PKNOX1: variants seen among roughly 807,000 people sequenced by gnomAD.
The protein encoded by PKNOX1 is homeobox protein PKNOX1.
PKNOX1 carries 15 observed loss-of-function variants against 51.9 expected under a neutral mutation model. The ratio of observed to expected loss-of-function variants is 0.29; its 90% confidence interval spans 0.19 to 0.45. The LOEUF is 0.45. Among genes scored for constraint, PKNOX1 ranks in the 20% least tolerant of loss-of-function variants. The pLI is 1.00. For synonymous variants in PKNOX1, 219 were observed against 211.1 expected (o/e 1.04, Z -0.32); for missense variants, 462 against 547.5 (o/e 0.84, Z 1.56).
chr21:43,010,790 G>A (rs956231066), intron 4 of PKNOX1, among the ~76,000 whole-genome samples: 1 of 152,040 alleles, frequency 6.6e-6, no homozygotes, highest in Admixed American at 6.6e-5. Context: ...CTTGAACGCA[G>A]GAGGCGGAAG....
At chr21:43,012,206 G>A (rs1236411331) in intron 4 of PKNOX1, among the ~76,000 whole-genome samples, 1 of 152,176 alleles carries the variant, frequency 6.6e-6, no homozygotes, top group Non-Finnish European at 1.5e-5. Context: ...TGCATTATTG[G>A]TATTAGTTAT....
chr21:42,982,172 T>C (rs1333428222), intron 1 of PKNOX1, among the ~76,000 whole-genome samples: 2 of 152,138 alleles, frequency 1.3e-5, no homozygotes, highest in African/African-American at 4.8e-5. Context: ...CCTTGGGTGT[T>C]GCAGGGCTAC....
intron 7 of PKNOX1, among the ~76,000 whole-genome samples, chr21:43,018,802 A>G (rs1979626635): frequency 6.6e-6 from 1 of 152,048 alleles, no homozygotes; most frequent in African/African-American, 2.4e-5. Flanking sequence ...CTTTAAGAAC[A>G]TTGATTCTGG....
At chr21:43,019,371 A>G (rs1167915338) in intron 7 of PKNOX1, among the ~76,000 whole-genome samples, 1 of 150,504 alleles carries the variant, frequency 6.6e-6, no homozygotes, top group East Asian at 2.0e-4. Flanking sequence ...AGCCTGGGCA[A>G]CAAGAGCAAA....
chr21:43,009,565 C>G (rs190140619), intron 3 of PKNOX1, among the ~76,000 whole-genome samples: 1 of 138,188 alleles, frequency 7.2e-6, no homozygotes, highest in East Asian at 2.2e-4. Flanking sequence ...GACCCGAGAT[C>G]GTGCCGCTGC....
chr21:43,010,890 A>G (rs1299395125), intron 4 of PKNOX1, among the ~76,000 whole-genome samples: 1 of 151,854 alleles, frequency 6.6e-6, no homozygotes, highest in Non-Finnish European at 1.5e-5. Context: ...ATAAAATAAA[A>G]TAAAATAATT....
chr21:42,998,724 T>G (rs1339483321), intron 1 of PKNOX1, among the ~76,000 whole-genome samples: 2 of 152,238 alleles, frequency 1.3e-5, no homozygotes, highest in Non-Finnish European at 2.9e-5. Context: ...AATGATTTCC[T>G]TTGACTGCAT....
At chr21:42,991,153 A>G (rs573793569) in intron 1 of PKNOX1, among the ~76,000 whole-genome samples, 2 of 152,228 alleles carry the variant, frequency 1.3e-5, no homozygotes, top group African/African-American at 4.8e-5. Context: ...TATAGTTTTA[A>G]AATAAAATGA....
Position 43,032,598 on chromosome 21 carries a change from T to C in PKNOX1, c.*2497T>C, listed in dbSNP as rs374503004. 3.6e-5 allele frequency: 6 copies of C among 166,654 alleles called. No individual in the cohort carries two copies. The highest frequency in any genetic ancestry group is 1.4e-4 in the African/African-American group (6 of 42,222). 10.3% of individuals were successfully genotyped at this position (166,654 alleles called of 1,614,324 possible). A position where few individuals can be genotyped will look rare whatever the true frequency, so the allele number is the denominator to read the frequency against. ...ACCTGTGAATAGCCACTGCACTCCA[T>C]CTTGGGCAACACAGTGAGACCCCCA... On this transcript the variant is annotated 3_prime_UTR_variant, in exon 11 of 11. Coordinates refer to ENST00000291547, the MANE Select transcript of PKNOX1 (RefSeq NM_004571.5).
intron 5 of PKNOX1, 58 bp downstream of exon 5, chr21:43,013,296 G>C: frequency 8.0e-7 from 1 of 1,249,500 alleles, no homozygotes. Context: ...TCTGCATTGA[G>C]TCATGAGACC....
chr21:43,024,027 C>T (rs1286919221), intron 8 of PKNOX1, among the ~76,000 whole-genome samples: 1 of 152,022 alleles, frequency 6.6e-6, no homozygotes, highest in East Asian at 1.9e-4. Context: ...AGGCACCGCG[C>T]CTGGCCCTCT....
intron 1 of PKNOX1, among the ~76,000 whole-genome samples, chr21:42,975,966 G>T (rs1435602952): frequency 6.6e-6 from 1 of 152,236 alleles, no homozygotes; most frequent in Non-Finnish European, 1.5e-5. Context: ...ACCTCTGCCA[G>T]TATAGTTATT....
At chr21:42,992,281 C>T (rs917429163) in intron 1 of PKNOX1, among the ~76,000 whole-genome samples, 7 of 152,190 alleles carry the variant, frequency 4.6e-5, no homozygotes, top group African/African-American at 1.2e-4. Context: ...ATTATTTTAT[C>T]GTCAGAGGTC....
chr21:42,983,163 T>A (rs1017318582), intron 1 of PKNOX1, among the ~76,000 whole-genome samples: 1 of 152,196 alleles, frequency 6.6e-6, no homozygotes, highest in Admixed American at 6.6e-5. Context: ...ATTTACCATC[T>A]TAACCATTTT....
At chr21:43,016,691 G>A (rs1196735803) in intron 5 of PKNOX1, among the ~76,000 whole-genome samples, 1 of 152,200 alleles carries the variant, frequency 6.6e-6, no homozygotes, top group African/African-American at 2.4e-5. Flanking sequence ...GCAGGCTGAC[G>A]TTGCAGGCTG....
At position 43,016,897 on chromosome 21, in the gene PKNOX1, C is replaced by A; in HGVS notation, c.523-11C>A. On this transcript the variant is annotated splice_polypyrimidine_tract_variant and intron_variant, in intron 5 of 10. Coordinates refer to ENST00000291547, the MANE Select transcript of PKNOX1 (RefSeq NM_004571.5). ...TAGTAATTCCTTCAACATGTGTGTT[C>A]TGACTTGCAGCAGATTCAAAGTGCC... 6.3e-7 allele frequency: 1 copy of A among 1,580,360 alleles called. No individual in the cohort carries two copies. The highest frequency in any genetic ancestry group is 1.1e-5 in the South Asian group (1 of 89,832).
intron 1 of PKNOX1, among the ~76,000 whole-genome samples, chr21:42,986,472 G>T (rs1341551344): frequency 1.3e-5 from 2 of 152,248 alleles, no homozygotes; most frequent in East Asian, 1.9e-4. Flanking sequence ...TTGCACTCCA[G>T]CCTGGGTGAC....
At chr21:43,013,927 A>G (rs1392831741) in intron 5 of PKNOX1, among the ~76,000 whole-genome samples, 1 of 150,316 alleles carries the variant, frequency 6.7e-6, no homozygotes, top group Non-Finnish European at 1.5e-5. Flanking sequence ...TGTGGTTTTA[A>G]TTTTCATTTC....
intron 1 of PKNOX1, among the ~76,000 whole-genome samples, chr21:43,002,480 AC>A (rs1404099919): frequency 1.5e-5 from 2 of 131,384 alleles, no homozygotes; most frequent in African/African-American, 5.9e-5. Flanking sequence ...CTTTGACTGC[AC>A]CCCCTTAGTG....
Sources: gnomAD v4.1 joint callset for allele counts (sites outside exome capture counted in the v4.1 genomes callset) on GRCh38, gnomAD v4.1.1 for gene constraint, MANE v1.5 for transcripts, NCBI Gene and HGNC (gene_info 2026-07-23, HGNC 2026-07-21) for gene names.